FAM221A: variants seen among roughly 807,000 people sequenced by gnomAD.
The protein encoded by FAM221A is family with sequence similarity 221 member A, also known as protein FAM221A.
FAM221A carries 43 observed loss-of-function variants against 37.6 expected under a neutral mutation model. The observed-to-expected ratio is 1.15, with a 90% CI of 0.90 to 1.48. The LOEUF (loss-of-function observed/expected upper bound fraction) is 1.48, where lower values mean the gene tolerates loss of function less well. FAM221A is among the 40% of genes most tolerant of loss of function. FAM221A has a pLI of 0.00. For missense variants in FAM221A, 361 were observed against 361.5 expected (o/e 1.00, Z 0.01); for synonymous variants, 135 against 132.9 (o/e 1.02, Z -0.11).
Position 23,684,557 on chromosome 7 carries a change from A to G in FAM221A, c.124A>G (p.Lys42Glu), listed in dbSNP as rs753683025. The G allele has an allele frequency of 3.1e-6, 5 of 1,613,978 alleles. No homozygotes were observed. In the Admixed American group the frequency reaches 8.3e-5, roughly 27 times the overall value. ...TACTCCTGAAGAATATGAAGAATAC[A>G]AAAGAAAAGTTTTACCTCTGCGCTT... ...LFTPEEYEEYKRKVLPLRLQN... is the reference protein window; with the variant it reads ...LFTPEEYEEYERKVLPLRLQN... The change falls in exon 2 of 7, where the codon AAA becomes GAA. Residue 42 changes from lysine (K) to glutamate (E), a missense_variant. Transcript: ENST00000344962.
At chr7:23,681,444 C>T (rs1464673750) in intron 1 of FAM221A, among the ~76,000 whole-genome samples, 1 of 152,160 alleles carries the variant, frequency 6.6e-6, no homozygotes, top group Non-Finnish European at 1.5e-5. Flanking sequence ...TTTATTGAGA[C>T]GGGGTCTGAC....
chr7:23,683,368 T>C (rs79810336), intron 1 of FAM221A, among the ~76,000 whole-genome samples: 316 of 152,352 alleles, frequency 2.1e-3, no homozygotes, highest in Non-Finnish European at 3.0e-3. Flanking sequence ...TTGGAGCTTG[T>C]GCTGAGCCAA....
chr7:23,699,514 G>C (rs1785269098), intron 5 of FAM221A, among the ~76,000 whole-genome samples: 1 of 118,068 alleles, frequency 8.5e-6, no homozygotes, highest in Non-Finnish European at 1.8e-5. Context: ...ACAGTTGCTT[G>C]TTTCTGATAG....
chr7:23,680,350 G>A (rs1245018964), intron 1 of FAM221A, 67 bp downstream of exon 1: 8 of 1,331,380 alleles, frequency 6.0e-6, no homozygotes, highest in Admixed American at 2.6e-5. Flanking sequence ...GGCTGGGGGC[G>A]CGAGCAGGGG....
At position 23,690,199 on chromosome 7, in the gene FAM221A, A is replaced by ATATATATATT. The variant is rs774313037; in HGVS notation, c.430+741_430+742insATATATATTT. ...TATATATATATATATATATATATAT[A>ATATATATATT]TTTTTTTTTTTTTTAATAGAGTTTT... On this transcript the variant is annotated intron_variant, in intron 3 of 6. Transcript: ENST00000344962. Among the ~76,000 whole-genome samples the ATATATATATT allele has an allele frequency of 2.5e-3, 124 of 48,710 alleles. 1 individual carries two copies. The highest frequency in any genetic ancestry group is 3.9e-3 in the African/African-American group (46 of 11,736). 32.0% of individuals were successfully genotyped at this position (48,710 alleles called of 152,430 possible).
chr7:23,689,422 T>G lies in FAM221A; in HGVS notation c.393T>G (p.Asp131Glu). Reference protein sequence around the residue: ...PIRCRCKHFADQHSAAPGFTC... With the variant: ...PIRCRCKHFAEQHSAAPGFTC... ...GCTGCAGGTGCAAACACTTTGCTGA[T>G]CAGCACAGTGCTGCGCCTGGCTTTA... Residue 131 changes from aspartate (D) to glutamate (E), a missense_variant, in exon 3 of 7, where the codon GAT becomes GAG. By Grantham distance (45) the Asp-to-Glu change is conservative (BLOSUM62 2). Coordinates refer to ENST00000344962, the MANE Select transcript of FAM221A (RefSeq NM_199136.5). The G allele has an allele frequency of 6.2e-7, 1 of 1,600,094 alleles. No homozygotes were observed. Among genetic ancestry groups the G allele is most frequent in the Non-Finnish European group, 8.6e-7 (1 of 1,168,904 alleles).
Position 23,684,432 on chromosome 7 carries a change from G to A in FAM221A, c.66-67G>A, listed in dbSNP as rs1468569360. 6 of 983,638 alleles carry A rather than the reference G, an allele frequency of 6.1e-6. No individual in the cohort carries two copies. The African/African-American group carries it at 1.0e-4, about 17-fold the overall frequency. The allele number at this position is 983,638 out of a possible 1,614,324, so 60.9% of individuals were successfully genotyped here. On this transcript the variant is annotated intron_variant, in intron 1 of 6. Transcript: ENST00000344962. ...ACAAATTTATTTAATATTTGCAGTG[G>A]CCTGGTCATAGCTCACCCAGAAAAT... is the stretch of plus-strand genomic sequence containing the variant.
At chr7:23,699,442 A>G (rs1785265235) in intron 5 of FAM221A, among the ~76,000 whole-genome samples, 1 of 151,050 alleles carries the variant, frequency 6.6e-6, no homozygotes, top group Admixed American at 6.6e-5. Context: ...ATTTTAAGTC[A>G]GTATAGTGAC....
rs1196511022 is a variant in FAM221A at position 23,701,692 on chromosome 7, CTG to C, written c.829-401_829-400del. On this transcript the variant is annotated intron_variant, in intron 6 of 6. Transcript: ENST00000344962. ...GAGGAAAAGACTTTCAGAAAGGTAACTGTGGGAATATAGAAACCAGAATTATA... is the reference window on the plus strand; with the variant it reads ...GAGGAAAAGACTTTCAGAAAGGTAACTGGGAATATAGAAACCAGAATTATA... Among the ~76,000 whole-genome samples, 5 of 152,246 alleles carry C rather than the reference CTG, an allele frequency of 3.3e-5. 1 individual carries two copies. The East Asian group carries it at 9.6e-4, about 29-fold the overall frequency.
intron 4 of FAM221A, chr7:23,694,088 C>G (rs1243391033): frequency 1.3e-5 from 2 of 152,150 alleles, no homozygotes; most frequent in African/African-American, 2.4e-5. Context: ...TGAGAACATG[C>G]AGTGTTTAGT....
chr7:23,698,455 G>A (rs989587308), intron 5 of FAM221A, among the ~76,000 whole-genome samples, 156 bp downstream of exon 5: 3 of 152,130 alleles, frequency 2.0e-5, no homozygotes, highest in Non-Finnish European at 4.4e-5. Context: ...GCCACACACT[G>A]AGAAAAAGCA....
At chr7:23,689,719 T>G (rs1351249245) in intron 3 of FAM221A, among the ~76,000 whole-genome samples, 2 of 152,162 alleles carry the variant, frequency 1.3e-5, no homozygotes, top group Non-Finnish European at 2.9e-5. Flanking sequence ...TTCAGATAAT[T>G]TAAGTAATAG....
intron 6 of FAM221A, among the ~76,000 whole-genome samples, chr7:23,701,853 A>G (rs1038383199): frequency 1.3e-5 from 2 of 152,214 alleles, no homozygotes; most frequent in East Asian, 3.8e-4. Flanking sequence ...TTTAGTGGCA[A>G]TTGAAATTGT....
At chr7:23,702,923 CTG>C (rs1785543237), downstream of FAM221A, 3 of 152,382 alleles carry the variant, frequency 2.0e-5, no homozygotes, top group South Asian at 6.2e-4. Context: ...TCTTCTGACA[CTG>C]TGGCTTGGGA....
At chr7:23,685,238 ACT>A (rs1784296682) in intron 2 of FAM221A, among the ~76,000 whole-genome samples, 1 of 151,258 alleles carries the variant, frequency 6.6e-6, no homozygotes, top group African/African-American at 2.4e-5. Context: ...GCAGTGTGAG[ACT>A]CTGTCTCAAA....
At chr7:23,687,793 A>G (rs1457323631) in intron 2 of FAM221A, 2 of 151,332 alleles carry the variant, frequency 1.3e-5, no homozygotes, top group Non-Finnish European at 2.9e-5. Context: ...ACAGGCATAC[A>G]CCACCATGCT....
intron 4 of FAM221A, among the ~76,000 whole-genome samples, chr7:23,695,501 T>A (rs1785000619): frequency 2.0e-5 from 3 of 152,164 alleles, no homozygotes; most frequent in Admixed American, 2.0e-4. Flanking sequence ...GCCTCCTGAG[T>A]AGCTGGGATT....
intron 4 of FAM221A, chr7:23,692,083 A>G: frequency 2.4e-6 from 1 of 413,296 alleles, no homozygotes; most frequent in Non-Finnish European, 3.3e-6. Context: ...GTAGTAAAAT[A>G]TGTATATATG....
At chr7:23,688,618 T>G (rs1026509214) in intron 2 of FAM221A, 2 of 151,860 alleles carry the variant, frequency 1.3e-5, no homozygotes, top group Admixed American at 1.3e-4. Context: ...AAAATAACAT[T>G]GGTAAAGAAC....
Sources: gnomAD v4.1 joint callset for allele counts (sites outside exome capture counted in the v4.1 genomes callset) on GRCh38, gnomAD v4.1.1 for gene constraint, MANE v1.5 for transcripts, NCBI Gene and HGNC (gene_info 2026-07-23, HGNC 2026-07-21) for gene names.